DKK2: variants seen among roughly 807,000 people sequenced by gnomAD.
DKK2 encodes the protein dickkopf Wnt signaling pathway inhibitor 2.
Under a neutral mutation model 28.1 loss-of-function variants are expected in DKK2, and 11 were observed. That is an observed-to-expected ratio of 0.39 (90% confidence interval 0.25 to 0.65). The LOEUF is 0.65. Ranked by LOEUF, DKK2 falls within the 30% of genes least tolerant of loss-of-function variation. DKK2 has a pLI of 0.47. For synonymous variants in DKK2, 135 were observed against 126.5 expected (o/e 1.07, Z -0.45); for missense variants, 326 against 335.5 (o/e 0.97, Z 0.22).
At chr4:106,954,299 T>C (rs1455257193) in intron 1 of DKK2, among the ~76,000 whole-genome samples, 1 of 152,196 alleles carries the variant, frequency 6.6e-6, no homozygotes, top group South Asian at 2.1e-4. Context: ...CTTTTTTTGT[T>C]TTGTTTCTTG....
At chr4:107,010,515 T>C (rs1225536521) in intron 1 of DKK2, among the ~76,000 whole-genome samples, 1 of 151,638 alleles carries the variant, frequency 6.6e-6, no homozygotes, top group East Asian at 1.9e-4. Context: ...CAATACTTGT[T>C]GCATAAAAGA....
At chr4:107,027,792 C>T (rs1578383834) in intron 1 of DKK2, among the ~76,000 whole-genome samples, 1 of 140,970 alleles carries the variant, frequency 7.1e-6, no homozygotes, top group East Asian at 2.2e-4. Context: ...CGCTCTGTCG[C>T]CCAGGCTAGA....
intron 1 of DKK2, among the ~76,000 whole-genome samples, chr4:106,946,515 TAAAAAAC>T (rs1251132899): frequency 1.3e-5 from 2 of 151,854 alleles, no homozygotes; most frequent in African/African-American, 4.8e-5. Context: ...CATTTCCACT[TAAAAAAC>T]AAACAAACAA....
intron 1 of DKK2, among the ~76,000 whole-genome samples, chr4:107,031,903 A>G (rs921742179): frequency 4.6e-5 from 7 of 151,992 alleles, no homozygotes; most frequent in African/African-American, 1.7e-4. Context: ...TAGAGATAGT[A>G]TCGAGAAATG....
chr4:106,927,979 T>TC (rs938671539), intron 1 of DKK2, among the ~76,000 whole-genome samples: 2 of 152,076 alleles, frequency 1.3e-5, no homozygotes, highest in African/African-American at 4.8e-5. Flanking sequence ...CTGGATTCCA[T>TC]CCCCCCAAAA....
At chr4:106,962,654 C>A (rs933982753) in intron 1 of DKK2, among the ~76,000 whole-genome samples, 6 of 151,760 alleles carry the variant, frequency 4.0e-5, no homozygotes, top group African/African-American at 1.5e-4. Context: ...CTATAAACTA[C>A]TGGAAGAAAA....
chr4:106,925,715 T>A (rs1179489653), intron 2 of DKK2, 84 bp downstream of exon 2: 1 of 1,501,298 alleles, frequency 6.7e-7, no homozygotes, highest in East Asian at 2.3e-5. Flanking sequence ...GGAGTCTGAG[T>A]AAGGAGACGA....
intron 1 of DKK2, among the ~76,000 whole-genome samples, chr4:106,972,359 G>A: frequency 6.7e-6 from 1 of 150,024 alleles, no homozygotes; most frequent in Non-Finnish European, 1.5e-5. Context: ...ATTATTACTT[G>A]AATCAAAGAA....
intron 1 of DKK2, among the ~76,000 whole-genome samples, chr4:106,928,379 A>G (rs537618068): frequency 4.7e-4 from 72 of 152,316 alleles, no homozygotes; most frequent in African/African-American, 1.7e-3. Flanking sequence ...ATGCCTAACT[A>G]TACAAGGTTA....
rs1056151537 is a variant in DKK2, at chr4:106,970,160, G to A, written c.223-44211C>T. Among the ~76,000 whole-genome samples the A allele has an allele frequency of 5.3e-5, 8 of 152,038 alleles. No individual in the cohort carries two copies. In the East Asian group the frequency reaches 1.2e-3, roughly 22 times the overall value. The stretch of plus-strand genomic sequence containing the variant: ...CCTGAGTTTTTACATTTATAAAATA[G>A]GGACAATATTGTTGTCTACTTCACA... On this transcript the variant is annotated intron_variant, in intron 1 of 3. Coordinates refer to ENST00000285311, the MANE Select transcript of DKK2 (RefSeq NM_014421.3).
At chr4:106,988,081 G>T (rs1372263064) in intron 1 of DKK2, among the ~76,000 whole-genome samples, 4 of 152,228 alleles carry the variant, frequency 2.6e-5, no homozygotes, top group South Asian at 4.1e-4. Flanking sequence ...AGCCAGGATG[G>T]TCTCAATCTC....
At chr4:106,961,331 T>C (rs903283696) in intron 1 of DKK2, among the ~76,000 whole-genome samples, 2 of 152,058 alleles carry the variant, frequency 1.3e-5, no homozygotes, top group African/African-American at 4.8e-5. Context: ...ATGTTGTGAG[T>C]TGTCTCTTTT....
chr4:106,946,194 T>G (rs368870899), intron 1 of DKK2, among the ~76,000 whole-genome samples: 12 of 152,270 alleles, frequency 7.9e-5, no homozygotes, highest in Admixed American at 5.2e-4. Flanking sequence ...TTTCCAGATT[T>G]GTAAGAATTC....
chr4:106,969,817 T>A (rs1375637469), intron 1 of DKK2, among the ~76,000 whole-genome samples: 1 of 152,080 alleles, frequency 6.6e-6, no homozygotes, highest in Non-Finnish European at 1.5e-5. Flanking sequence ...AGAGTTTAAA[T>A]AGGTCAGATA....
At chr4:106,945,131 G>A (rs754904485) in intron 1 of DKK2, among the ~76,000 whole-genome samples, 3 of 152,038 alleles carry the variant, frequency 2.0e-5, no homozygotes, top group Non-Finnish European at 2.9e-5. Flanking sequence ...TTTTGCCCAG[G>A]ATTTTAAGTA....
intron 1 of DKK2, among the ~76,000 whole-genome samples, chr4:106,936,226 T>G (rs1045441742): frequency 6.6e-6 from 1 of 151,904 alleles, no homozygotes; most frequent in African/African-American, 2.4e-5. Context: ...GAAAAAAATT[T>G]AGAAGAATGT....
intron 1 of DKK2, among the ~76,000 whole-genome samples, chr4:107,020,053 A>G (rs1365834342): frequency 6.6e-6 from 1 of 151,976 alleles, no homozygotes; most frequent in Non-Finnish European, 1.5e-5. Flanking sequence ...TTCTTTATTG[A>G]TTTCTACTAA....
intron 1 of DKK2, among the ~76,000 whole-genome samples, chr4:106,990,128 A>C (rs1723182548): frequency 6.6e-6 from 1 of 152,192 alleles, no homozygotes; most frequent in Non-Finnish European, 1.5e-5. Context: ...TGTTTAATAA[A>C]AACATATTTT....
intron 1 of DKK2, among the ~76,000 whole-genome samples, chr4:106,927,653 T>C (rs944007961): frequency 3.9e-5 from 6 of 152,148 alleles, no homozygotes; most frequent in African/African-American, 1.2e-4. Flanking sequence ...ATTAAGCCAT[T>C]TTTCAAGAAT....
Sources: allele counts gnomAD v4.1 joint callset (sites outside exome capture counted in the v4.1 genomes callset), GRCh38; gene constraint gnomAD v4.1.1; transcripts MANE v1.5; gene names NCBI Gene and HGNC (gene_info 2026-07-23, HGNC 2026-07-21).